GLG1: variants seen among roughly 807,000 people sequenced by gnomAD.
GLG1 encodes the protein golgi glycoprotein 1.
Under a neutral mutation model 160.5 loss-of-function variants are expected in GLG1, and 38 were observed. That is an observed-to-expected ratio of 0.24 (90% CI 0.18 to 0.31). GLG1 has a LOEUF of 0.31. GLG1 is among the 10% of genes least tolerant of loss of function. GLG1 has a pLI of 1.00. For missense variants in GLG1, 1,373 were observed against 1,505.2 expected (o/e 0.91, Z 1.45); for synonymous variants, 644 against 543.4 (o/e 1.19, Z -2.57).
intron 11 of GLG1, among the ~76,000 whole-genome samples, chr16:74,477,977 A>AAAATAAATAAATAAATAAATAAATAAAT (rs140504819): frequency 7.1e-6 from 1 of 140,148 alleles, no homozygotes; most frequent in Non-Finnish European, 1.5e-5. Context: ...CCGTCTCAAA[A>AAAATAAATAAATAAATAAATAAATAAAT]AAATAAATAA....
At chr16:74,568,338 C>A (rs1342365699) in intron 1 of GLG1, among the ~76,000 whole-genome samples, 1 of 151,906 alleles carries the variant, frequency 6.6e-6, no homozygotes, top group African/African-American at 2.4e-5. Context: ...TAACTCCTAA[C>A]TGATATAGTG....
intron 1 of GLG1, among the ~76,000 whole-genome samples, chr16:74,581,507 A>G (rs1286214352): frequency 6.9e-6 from 1 of 145,014 alleles, no homozygotes; most frequent in Non-Finnish European, 1.5e-5. Context: ...TTGTTATTTA[A>G]TGATTATGGA....
At chr16:74,533,540 G>T (rs533315322) in intron 1 of GLG1, among the ~76,000 whole-genome samples, 2 of 152,228 alleles carry the variant, frequency 1.3e-5, no homozygotes. Flanking sequence ...CAGCACTTTG[G>T]GAGGCCGAGG....
intron 2 of GLG1, among the ~76,000 whole-genome samples, chr16:74,518,089 T>A (rs997983782): frequency 6.6e-6 from 1 of 152,144 alleles, no homozygotes. Context: ...TGCTCGTGGA[T>A]AGAAGAATCA....
At chr16:74,467,351 G>A (rs952655124) in intron 18 of GLG1, among the ~76,000 whole-genome samples, 4 of 152,154 alleles carry the variant, frequency 2.6e-5, no homozygotes, top group South Asian at 2.1e-4. Context: ...TTAAAAAAAA[G>A]TGTCCTAGGT....
At chr16:74,483,970 A>G (rs1286225376) in intron 9 of GLG1, among the ~76,000 whole-genome samples, 1 of 151,922 alleles carries the variant, frequency 6.6e-6, no homozygotes, top group Non-Finnish European at 1.5e-5. Flanking sequence ...AGATATTTTC[A>G]ATTATCTTTT....
chr16:74,568,847 C>G (rs888694992), intron 1 of GLG1, among the ~76,000 whole-genome samples: 5 of 152,118 alleles, frequency 3.3e-5, no homozygotes, highest in African/African-American at 9.7e-5. Context: ...TTAGAACAAC[C>G]CTTTAACTAT....
At chr16:74,592,696 C>G (rs896325017) in intron 1 of GLG1, among the ~76,000 whole-genome samples, 2 of 152,210 alleles carry the variant, frequency 1.3e-5, no homozygotes, top group African/African-American at 4.8e-5. Flanking sequence ...TCCAGGACTG[C>G]AGCTCCAAAG....
chr16:74,576,604 T>C (rs1223643389), intron 1 of GLG1, among the ~76,000 whole-genome samples: 3 of 152,220 alleles, frequency 2.0e-5, no homozygotes, highest in African/African-American at 7.2e-5. Flanking sequence ...GTTGTGGGGC[T>C]GGATCTGTCC....
intron 25 of GLG1, among the ~76,000 whole-genome samples, chr16:74,456,069 G>C (rs182172063): frequency 3.9e-5 from 6 of 152,288 alleles, no homozygotes; most frequent in African/African-American, 1.2e-4. Flanking sequence ...GACCAGATGA[G>C]TACTGGCCTC....
At chr16:74,572,640 C>T (rs2018864747) in intron 1 of GLG1, among the ~76,000 whole-genome samples, 2 of 152,202 alleles carry the variant, frequency 1.3e-5, no homozygotes, top group African/African-American at 4.8e-5. Flanking sequence ...AAGCTCCTTG[C>T]CCCTTCTCCC....
intron 1 of GLG1, among the ~76,000 whole-genome samples, chr16:74,579,237 C>T (rs1438720600): frequency 6.6e-6 from 1 of 152,034 alleles, no homozygotes; most frequent in Non-Finnish European, 1.5e-5. Flanking sequence ...GGTGAGACCC[C>T]ATCTCTACTA....
intron 1 of GLG1, among the ~76,000 whole-genome samples, chr16:74,568,679 A>G (rs1487628014): frequency 6.6e-6 from 1 of 152,128 alleles, no homozygotes; most frequent in African/African-American, 2.4e-5. Context: ...CGGCCTCCCA[A>G]AGTGCTGGGA....
At position 74,604,841 on chromosome 16, in the gene GLG1, GA is replaced by G. The variant is rs1023650722; in HGVS notation, c.438+1815del. Among the ~76,000 whole-genome samples the G allele has an allele frequency of 1.6e-4, 24 of 152,282 alleles. No homozygotes were observed. The Middle Eastern group carries it at 0.014, about 86-fold the overall frequency. On this transcript the variant is annotated intron_variant, in intron 1 of 25. Transcript: ENST00000422840. ...CGAGGCTGGCAGATCACAAGGTCAG[GA>G]GATCGAGACCATCCTGGCCAACATG...
intron 2 of GLG1, among the ~76,000 whole-genome samples, chr16:74,526,940 T>C (rs1160810586): frequency 1.3e-5 from 2 of 152,154 alleles, no homozygotes; most frequent in Non-Finnish European, 2.9e-5. Context: ...CTTAGAACAA[T>C]AATGTCTCAG....
At chr16:74,548,602 A>T (rs1413291902) in intron 1 of GLG1, among the ~76,000 whole-genome samples, 3 of 152,126 alleles carry the variant, frequency 2.0e-5, no homozygotes, top group African/African-American at 7.2e-5. Flanking sequence ...CTCCCAAACA[A>T]CTTCCTTCGT....
In GLG1 at chr16:74,493,150, G is replaced by C; in HGVS notation, c.1051-10C>G. 6.2e-7 allele frequency: 1 copy of C among 1,601,152 alleles called. No homozygotes were observed. Among genetic ancestry groups the C allele is most frequent in the African/African-American group, 1.3e-5 (1 of 74,614 alleles). On this transcript the variant is annotated splice_polypyrimidine_tract_variant and intron_variant, in intron 6 of 25. Transcript: ENST00000422840. Reference sequence around the variant, plus strand: ...TAAGTGCTTCTCGACACTGAGGAAAGAGTACAGCAACAGCCGTGAGACCAC... The same window carrying C: ...TAAGTGCTTCTCGACACTGAGGAAACAGTACAGCAACAGCCGTGAGACCAC...
chr16:74,581,564 G>GCTT (rs1405472421), intron 1 of GLG1, among the ~76,000 whole-genome samples: 1 of 150,248 alleles, frequency 6.7e-6, no homozygotes, highest in Admixed American at 6.6e-5. Context: ...GCCAGGAGGT[G>GCTT]CTTCATGCCT....
At chr16:74,576,414 T>G (rs996027527) in intron 1 of GLG1, among the ~76,000 whole-genome samples, 1 of 152,194 alleles carries the variant, frequency 6.6e-6, no homozygotes, top group Non-Finnish European at 1.5e-5. Context: ...ATGAGTTGCA[T>G]GTACATTATA....
Sources: gnomAD v4.1 joint callset for allele counts (sites outside exome capture counted in the v4.1 genomes callset) on GRCh38, gnomAD v4.1.1 for gene constraint, MANE v1.5 for transcripts, NCBI Gene and HGNC (gene_info 2026-07-23, HGNC 2026-07-21) for gene names.